RALYL: variants seen among roughly 807,000 people sequenced by gnomAD.
RALYL encodes the protein RNA-binding Raly-like protein.
In RALYL, 29 loss-of-function variants were observed where a neutral mutation model predicts 35.1. That is an observed-to-expected ratio of 0.83 (90% CI 0.61 to 1.13). RALYL has a LOEUF of 1.13. RALYL is among the 50% of genes most tolerant of loss of function. RALYL has a pLI of 0.00. For missense variants in RALYL, 359 were observed against 360.4 expected (o/e 1.00, Z 0.03); for synonymous variants, 120 against 127.6 (o/e 0.94, Z 0.40).
chr8:84,252,310 C>T (rs1306353585), intron 1 of RALYL, among the ~76,000 whole-genome samples: 3 of 152,070 alleles, frequency 2.0e-5, no homozygotes, highest in Non-Finnish European at 4.4e-5. Flanking sequence ...ATATATTTTT[C>T]AGAGTTACAT....
intron 8 of RALYL, chr8:84,906,979 T>C (rs1319290923): frequency 5.1e-6 from 5 of 985,016 alleles, no homozygotes; most frequent in Non-Finnish European, 6.0e-6. Context: ...TGCTCCAGGA[T>C]AGCCTGAGAT....
intron 2 of RALYL, among the ~76,000 whole-genome samples, chr8:84,643,188 C>A (rs575322186): frequency 1.3e-4 from 19 of 151,630 alleles, no homozygotes; most frequent in Non-Finnish European, 1.8e-4. Context: ...TTCAAACAGT[C>A]CCCCCACCCC....
At chr8:84,540,772 A>G (rs1381791645) in intron 2 of RALYL, among the ~76,000 whole-genome samples, 1 of 152,092 alleles carries the variant, frequency 6.6e-6, no homozygotes, top group Non-Finnish European at 1.5e-5. Flanking sequence ...TAATCCATCA[A>G]TGATGCCAAT....
At chr8:84,779,593 T>C (rs1179310385) in intron 3 of RALYL, among the ~76,000 whole-genome samples, 1 of 152,164 alleles carries the variant, frequency 6.6e-6, no homozygotes, top group African/African-American at 2.4e-5. Flanking sequence ...GAATCAAGAT[T>C]GTCACAAGTC....
intron 1 of RALYL, among the ~76,000 whole-genome samples, chr8:84,259,508 G>T (rs1306229726): frequency 6.6e-6 from 1 of 152,128 alleles, no homozygotes. Flanking sequence ...CTTGAACAGG[G>T]ATACTCAGCA....
chr8:84,231,807 T>C (rs1586389960), intron 1 of RALYL, among the ~76,000 whole-genome samples: 1 of 152,174 alleles, frequency 6.6e-6, no homozygotes, highest in Non-Finnish European at 1.5e-5. Context: ...AGTTACCATA[T>C]ACCAGGCCCT....
At chr8:84,480,325 G>T (rs1033044217) in intron 1 of RALYL, among the ~76,000 whole-genome samples, 1 of 152,020 alleles carries the variant, frequency 6.6e-6, no homozygotes, top group Non-Finnish European at 1.5e-5. Context: ...AACTAAAGTG[G>T]GTTAATGAAT....
intron 6 of RALYL, chr8:84,872,447 G>C (rs1035160868): frequency 1.3e-5 from 2 of 152,124 alleles, no homozygotes; most frequent in Non-Finnish European, 2.9e-5. Flanking sequence ...TTAAAGAATT[G>C]TCTTCGAAAT....
chr8:84,272,657 A>G (rs1586688412), intron 1 of RALYL, among the ~76,000 whole-genome samples: 1 of 152,320 alleles, frequency 6.6e-6, no homozygotes, highest in South Asian at 2.1e-4. Flanking sequence ...TAAAATGGCA[A>G]TTTCATTTAT....
chr8:84,540,612 A>G (rs1030865362), intron 2 of RALYL, among the ~76,000 whole-genome samples: 1 of 151,720 alleles, frequency 6.6e-6, no homozygotes, highest in Non-Finnish European at 1.5e-5. Flanking sequence ...ATGATAAACT[A>G]TTGGCTTATA....
At chr8:84,400,893 C>T (rs1270196659) in intron 1 of RALYL, among the ~76,000 whole-genome samples, 1 of 152,132 alleles carries the variant, frequency 6.6e-6, no homozygotes, top group African/African-American at 2.4e-5. Context: ...TAAGGAAATA[C>T]ATTTTGTTAT....
At chr8:84,339,221 G>A (rs1298314207) in intron 1 of RALYL, among the ~76,000 whole-genome samples, 1 of 151,906 alleles carries the variant, frequency 6.6e-6, no homozygotes, top group Non-Finnish European at 1.5e-5. Context: ...TAGAACAGGG[G>A]TCCACAATGC....
At chr8:84,515,252 C>A (rs2057965114) in intron 1 of RALYL, among the ~76,000 whole-genome samples, 1 of 151,998 alleles carries the variant, frequency 6.6e-6, no homozygotes, top group African/African-American at 2.4e-5. Context: ...AAAATACAGG[C>A]TTTTTCTTTA....
intron 1 of RALYL, among the ~76,000 whole-genome samples, chr8:84,283,208 G>A (rs932110340): frequency 6.6e-6 from 1 of 152,092 alleles, no homozygotes; most frequent in Non-Finnish European, 1.5e-5. Context: ...ATGTATAAAA[G>A]AATTATGTGT....
chr8:84,685,335 A>T (rs1269896060), intron 2 of RALYL, among the ~76,000 whole-genome samples: 1 of 152,062 alleles, frequency 6.6e-6, no homozygotes, highest in Non-Finnish European at 1.5e-5. Context: ...GTAACCCATC[A>T]ACTCTATGCC....
intron 1 of RALYL, among the ~76,000 whole-genome samples, chr8:84,427,712 T>C (rs1472454103): frequency 6.6e-6 from 1 of 152,206 alleles, no homozygotes. Context: ...CCTGTTCTAC[T>C]GCTATCTGAG....
rs34025556 is a variant in RALYL at position 84,497,957 on chromosome 8, GTTT to G, written c.-23-31330_-23-31328del. ...CGCCCAGCCTAAGGTTGCTTTTTAA[GTTT>G]TTTTTTTTTTTGTTTTCAACTTTAT... On this transcript the variant is annotated intron_variant, in intron 1 of 8. Coordinates refer to ENST00000521268, the MANE Select transcript of RALYL (RefSeq NM_173848.7). Among the ~76,000 whole-genome samples the G allele has an allele frequency of 2.8e-4, 42 of 147,968 alleles. 2 individuals carry two copies. The South Asian group carries it at 4.7e-3, about 16-fold the overall frequency.
At chr8:84,864,113 AT>A (rs768579700) in intron 6 of RALYL, among the ~76,000 whole-genome samples, 45 of 152,198 alleles carry the variant, frequency 3.0e-4, no homozygotes, top group Non-Finnish European at 5.0e-4. Context: ...GTTTGTAACC[AT>A]TACAACATGT....
At chr8:84,704,201 G>A (rs1272060161) in intron 2 of RALYL, among the ~76,000 whole-genome samples, 1 of 152,108 alleles carries the variant, frequency 6.6e-6, no homozygotes, top group Non-Finnish European at 1.5e-5. Flanking sequence ...AAGGTGGGCG[G>A]ATCACCTGAG....
Sources: allele counts gnomAD v4.1 joint callset (sites outside exome capture counted in the v4.1 genomes callset), GRCh38; gene constraint gnomAD v4.1.1; transcripts MANE v1.5; gene names NCBI Gene and HGNC (gene_info 2026-07-23, HGNC 2026-07-21).